The following CYFIP2 variants were observed in gnomAD, a reference collection of about 807,000 sequenced individuals.
CYFIP2 encodes cytoplasmic FMR1-interacting protein 2.
Under a neutral mutation model 158.7 loss-of-function variants are expected in CYFIP2, and 29 were observed. The observed-to-expected ratio is 0.18, with a 90% confidence interval of 0.14 to 0.25. The LOEUF (loss-of-function observed/expected upper bound fraction) is 0.25. Among genes scored for constraint, CYFIP2 ranks in the 10% least tolerant of loss-of-function variants. The pLI is 1.00. For missense variants in CYFIP2, 852 were observed against 1,639.5 expected (o/e 0.52, Z 8.29); for synonymous variants, 585 against 617.6 (o/e 0.95, Z 0.78).
intron 26 of CYFIP2, among the ~76,000 whole-genome samples, chr5:157,369,088 A>AG (rs1243072960): frequency 2.0e-5 from 3 of 152,082 alleles, no homozygotes; most frequent in African/African-American, 4.8e-5. Context: ...TAGTAGAGAT[A>AG]GGGTTTCACC....
rs529185635 is a variant in CYFIP2 at position 157,339,660 on chromosome 5, C to T, written c.2585+404C>T. Among the ~76,000 whole-genome samples the T allele has an allele frequency of 3.3e-5, 5 of 152,280 alleles. No homozygotes were observed. In the South Asian group the frequency reaches 6.2e-4, roughly 19 times the overall value. On this transcript the variant is annotated intron_variant, in intron 22 of 30. Transcript: ENST00000620254. Reference sequence around the variant, plus strand: ...CAGTGAATAAGGAGATGAAGGAAAGCCCACAGGGCCATGACAGTGGTAACA... The same window carrying T: ...CAGTGAATAAGGAGATGAAGGAAAGTCCACAGGGCCATGACAGTGGTAACA...
rs893173415 is a variant in CYFIP2, at chr5:157,361,270, C to T, written c.2909-198C>T. 86 of 581,754 alleles carry T rather than the reference C, an allele frequency of 1.5e-4. No individual in the cohort carries two copies. Among genetic ancestry groups the T allele is most frequent in the Non-Finnish European group, 1.6e-4 (54 of 332,506 alleles). The allele number at this position is 581,754 out of a possible 1,614,324, so 36.0% of individuals were successfully genotyped here. The stretch of plus-strand genomic sequence containing the variant: ...GTGCGTGTGTGTGTTCTGAAAAAGA[C>T]ATGAGCCAGCTACTCGAACTTTGTC... On this transcript the variant is annotated intron_variant, in intron 25 of 30. Coordinates refer to ENST00000620254, the MANE Select transcript of CYFIP2 (RefSeq NM_001037333.3). The surrounding 1 kb of genome is among the most constrained non-coding windows in gnomAD (Gnocchi z 4.4).
In CYFIP2 at chr5:157,285,418, G is replaced by C. The variant is rs1451560820; in HGVS notation, c.57G>C (p.Glu19Asp). 2 of 1,581,896 alleles carry C rather than the reference G, an allele frequency of 1.3e-6. No homozygotes were observed. The highest frequency in any genetic ancestry group is 1.7e-6 in the Non-Finnish European group (2 of 1,164,416). Reference protein sequence around the residue: ...DALSNVDLLEELPLPDQQPCI... With the variant: ...DALSNVDLLEDLPLPDQQPCI... ...TGTCCAACGTGGACCTGCTTGAAGA[G>C]CTTCCCCTCCCCGACCAGCAGCCAT... The change falls in exon 2 of 31, where the codon GAG (glutamate) becomes GAC (aspartate). Residue 19 changes from glutamate (E) to aspartate (D), a missense_variant. By Grantham distance (45) the Glu-to-Asp change is conservative. Coordinates refer to ENST00000620254, the MANE Select transcript of CYFIP2 (RefSeq NM_001037333.3).
chr5:157,383,895 G>A (rs569772695), intron 28 of CYFIP2, among the ~76,000 whole-genome samples: 1 of 152,358 alleles, frequency 6.6e-6, no homozygotes, highest in East Asian at 1.9e-4. Context: ...TGTTGCATCA[G>A]TGTGGATAGA....
chr5:157,270,639 G>A (rs1438360732), intron 1 of CYFIP2, among the ~76,000 whole-genome samples: 1 of 152,212 alleles, frequency 6.6e-6, no homozygotes, highest in African/African-American at 2.4e-5. Context: ...CTCCAAGTCT[G>A]TTATACTTCC....
chr5:157,334,107 G>A (rs577742590), intron 21 of CYFIP2, among the ~76,000 whole-genome samples: 11 of 152,308 alleles, frequency 7.2e-5, no homozygotes, highest in South Asian at 6.2e-4. Flanking sequence ...GAAAATCACC[G>A]TTAGAACATA....
In CYFIP2 at chr5:157,314,386, G is replaced by T; in HGVS notation, c.1153G>T (p.Glu385Ter). 6.2e-7 allele frequency: 1 copy of T among 1,613,934 alleles called. No individual in the cohort carries two copies. Among genetic ancestry groups the T allele is most frequent in the Non-Finnish European group, 8.5e-7 (1 of 1,179,866 alleles). ...SGLDSQKSDE[E>*]YRELFDLALR... is the part of the protein sequence containing the mutation. ...GCTGGACAGCCAGAAGTCAGACGAG[G>T]AGTATCGCGAGCTCTTCGACCTAGC... Residue 385 changes from glutamate to a stop codon, truncating the protein, a stop_gained, in exon 12 of 31, where the codon GAG becomes TAG. Transcript: ENST00000620254. LOFTEE classifies it high-confidence loss of function.
At chr5:157,350,632 T>G (rs976225719) in intron 23 of CYFIP2, among the ~76,000 whole-genome samples, 1 of 152,232 alleles carries the variant, frequency 6.6e-6, no homozygotes, top group Non-Finnish European at 1.5e-5. Context: ...TCATATTCAT[T>G]TTAGCATTGT....
At position 157,266,977 on chromosome 5, in the gene CYFIP2, C is replaced by G. The variant is rs956545137; in HGVS notation, c.-24+782C>G. 6.6e-6 allele frequency: 1 copy of G among 152,654 alleles called. No homozygotes were observed. Among genetic ancestry groups the G allele is most frequent in the Non-Finnish European group, 1.5e-5 (1 of 68,416 alleles). The allele number at this position is 152,654 out of a possible 1,614,324, so 9.5% of individuals were successfully genotyped here. A position where few individuals can be genotyped will look rare whatever the true frequency, so the allele number is the denominator to read the frequency against. On this transcript the variant is annotated intron_variant, in intron 1 of 30. Coordinates refer to ENST00000620254, the MANE Select transcript of CYFIP2 (RefSeq NM_001037333.3). This position sits in a 1 kb window ranked among gnomAD's most constrained non-coding sequence, Gnocchi z 4.2. ...CCCTACCCCTCACCCCAAAGAACAG[C>G]CCACCTATGTGCAAAAGAAGAGGAG... is the stretch of plus-strand genomic sequence containing the variant.
At chr5:157,287,918 C>G (rs1023581902) in intron 3 of CYFIP2, among the ~76,000 whole-genome samples, 2 of 152,028 alleles carry the variant, frequency 1.3e-5, no homozygotes, top group Non-Finnish European at 2.9e-5. Context: ...CATGGCAAGA[C>G]CCTGTCTCTA....
At chr5:157,318,616 C>A (rs1475729416) in intron 13 of CYFIP2, among the ~76,000 whole-genome samples, 1 of 152,206 alleles carries the variant, frequency 6.6e-6, no homozygotes, top group Non-Finnish European at 1.5e-5. Flanking sequence ...GAGAAAAAAA[C>A]AGCCTTAGGG....
chr5:157,282,194 C>T (rs1204298616), intron 1 of CYFIP2, among the ~76,000 whole-genome samples: 2 of 152,202 alleles, frequency 1.3e-5, no homozygotes, highest in Non-Finnish European at 1.5e-5. Flanking sequence ...ATGGTGCCAG[C>T]ATCTGCTCAG....
Position 157,333,388 on chromosome 5 carries a change from A to G in CYFIP2, c.2327A>G (p.Tyr776Cys). The G allele has an allele frequency of 1.2e-6, 2 of 1,614,042 alleles. No individual in the cohort carries two copies. The highest frequency in any genetic ancestry group is 2.2e-5 in the East Asian group (1 of 44,886). Reference protein sequence around the residue: ...LITQRISAAMYKSLDQAISRF... With the variant: ...LITQRISAAMCKSLDQAISRF... ...ACCCAGCGCATCTCTGCCGCCATGTATAAATCCTTGGACCAAGCTATCAGC... is the reference window on the plus strand; with the variant it reads ...ACCCAGCGCATCTCTGCCGCCATGTGTAAATCCTTGGACCAAGCTATCAGC... Residue 776 changes from tyrosine (Y) to cysteine (C), a missense_variant, in exon 21 of 31, where the codon TAT (tyrosine) becomes TGT (cysteine). Tyr to Cys is a radical substitution (Grantham distance 194, BLOSUM62 -2). This residue lies in a region of CYFIP2 where 191 missense variants were observed against 311.2 expected (regional missense o/e 0.61). Transcript: ENST00000620254.
chr5:157,341,980 C>G (rs1762300890), intron 23 of CYFIP2: 1 of 152,440 alleles, frequency 6.6e-6, no homozygotes, highest in South Asian at 2.1e-4. Flanking sequence ...CAGCACTTCC[C>G]TTTTCGATTC....
chr5:157,345,491 G>A (rs1224571175), intron 23 of CYFIP2: 1 of 152,558 alleles, frequency 6.6e-6, no homozygotes, highest in African/African-American at 2.4e-5. Flanking sequence ...CAAGCAGAGT[G>A]TGAAAAGAAG....
intron 5 of CYFIP2, 84 bp downstream of exon 5, chr5:157,296,858 A>G: frequency 9.2e-7 from 1 of 1,088,974 alleles, no homozygotes; most frequent in Non-Finnish European, 1.4e-6. Context: ...GTTTTGTGCC[A>G]TGTTATTTAT....
chr5:157,267,819 G>A (rs1755733887), intron 1 of CYFIP2, among the ~76,000 whole-genome samples: 1 of 152,228 alleles, frequency 6.6e-6, no homozygotes, highest in South Asian at 2.1e-4. Flanking sequence ...GTGGAGGTGG[G>A]GAGCTGGGTA....
intron 2 of CYFIP2, among the ~76,000 whole-genome samples, chr5:157,285,815 C>A (rs1757330680): frequency 6.6e-6 from 1 of 152,182 alleles, no homozygotes; most frequent in Non-Finnish European, 1.5e-5. Flanking sequence ...CAGAGCCTGC[C>A]TGGGTAATTA....
chr5:157,339,016 C>T (rs746882837), intron 21 of CYFIP2, 41 bp from the exon 22 acceptor site: 1 of 1,560,516 alleles, frequency 6.4e-7, no homozygotes, highest in Non-Finnish European at 8.7e-7. Context: ...GTAATGCTTA[C>T]AAGCAAGTCC....
Sources: allele counts gnomAD v4.1 joint callset (sites outside exome capture counted in the v4.1 genomes callset), GRCh38; gene constraint gnomAD v4.1.1; regional missense constraint gnomAD v4.1.1; non-coding constraint Gnocchi (gnomAD v3.1); transcripts MANE v1.5; gene names NCBI Gene and HGNC (gene_info 2026-07-23, HGNC 2026-07-21).